UTP20: variants seen among roughly 807,000 people sequenced by gnomAD.
UTP20 encodes small subunit processome component 20 homolog.
A neutral mutation model predicts 329.5 loss-of-function variants in UTP20; 164 were observed. The ratio of observed to expected loss-of-function variants is 0.50; its 90% CI spans 0.44 to 0.57. The LOEUF is 0.57. UTP20 is among the 20% of genes least tolerant of loss of function. The probability of loss-of-function intolerance (pLI) is 0.00; values close to 1 mark genes in which losing one functional copy is unlikely to be tolerated. For synonymous variants in UTP20, 1,151 were observed against 1,159.3 expected, an observed-to-expected ratio of 0.99 and a Z score of 0.14; for missense variants, 3,055 against 3,284.2, an observed-to-expected ratio of 0.93 and a Z score of 1.71.
In UTP20 at chr12:101,386,098, T is replaced by G. The variant is rs1302944672; in HGVS notation, c.8333T>G (p.Leu2778Arg). 6.2e-7 allele frequency: 1 copy of G among 1,606,646 alleles called. No homozygotes were observed. Among genetic ancestry groups the G allele is most frequent in the Admixed American group, 1.7e-5 (1 of 57,284 alleles). The change falls in exon 62 of 62, where the codon CTG (leucine) becomes CGG (arginine). Residue 2778 changes from leucine (L) to arginine (R), a missense_variant. This residue lies in a region of UTP20 where 337 missense variants were observed against 345.5 expected (regional missense o/e 0.98). Coordinates refer to ENST00000261637, the MANE Select transcript of UTP20 (RefSeq NM_014503.3). ...GCCAAGAGACAAAAAAGCCATAGCC[T>G]GAAAGATTTAGCAATGGTGGAGTAA... ...YKAKRQKSHS[L>R]KDLAMVE
chr12:101,317,059 A>G (rs1872993607), intron 21 of UTP20, among the ~76,000 whole-genome samples: 1 of 152,188 alleles, frequency 6.6e-6, no homozygotes, highest in South Asian at 2.1e-4. Flanking sequence ...TGGTGGTACT[A>G]TATTTTCAAG....
intron 15 of UTP20, 81 bp from the exon 16 acceptor site, chr12:101,305,834 T>A (rs1872630572): frequency 7.4e-7 from 1 of 1,350,706 alleles, no homozygotes; most frequent in African/African-American, 1.5e-5. Flanking sequence ...TCATCAGTGA[T>A]CATTTTCTGT....
At chr12:101,366,092 C>T in intron 46 of UTP20, among the ~76,000 whole-genome samples, 1 of 152,096 alleles carries the variant, frequency 6.6e-6, no homozygotes. Flanking sequence ...ATTAGCCAGG[C>T]ATGGTGCTGG....
chr12:101,310,080 AAGG>A (rs1327302103), intron 19 of UTP20, among the ~76,000 whole-genome samples: 1 of 152,182 alleles, frequency 6.6e-6, no homozygotes, highest in Non-Finnish European at 1.5e-5. Context: ...AATAACTTTG[AAGG>A]AGTTTCTCTT....
intron 11 of UTP20, among the ~76,000 whole-genome samples, chr12:101,293,895 T>A (rs1052357778): frequency 1.4e-4 from 22 of 152,194 alleles, no homozygotes; most frequent in African/African-American, 4.1e-4. Context: ...TATTTTTTTT[T>A]AATCTTATTT....
At chr12:101,381,655 T>C (rs1468537306) in intron 58 of UTP20, among the ~76,000 whole-genome samples, 2 of 152,188 alleles carry the variant, frequency 1.3e-5, no homozygotes, top group Non-Finnish European at 2.9e-5. Context: ...CACTCAAATA[T>C]ATGTTCAAAT....
At chr12:101,286,609 G>T in intron 5 of UTP20, 100 bp downstream of exon 5, 1 of 979,364 alleles carries the variant, frequency 1.0e-6, no homozygotes, top group Non-Finnish European at 1.4e-6. Flanking sequence ...GTGCCTAATT[G>T]TTTCCATGTA....
At chr12:101,369,386 G>GT (rs1449581539) in intron 48 of UTP20, among the ~76,000 whole-genome samples, 217 of 152,308 alleles carry the variant, frequency 1.4e-3, no homozygotes, top group Middle Eastern at 3.4e-3. Context: ...GGAGGCTGAG[G>GT]CAGGAGGATT....
chr12:101,295,445 G>A (rs1320538539), intron 11 of UTP20, 35 bp from the exon 12 acceptor site: 8 of 1,517,032 alleles, frequency 5.3e-6, no homozygotes, highest in Non-Finnish European at 6.2e-6. Flanking sequence ...TATTATATCT[G>A]TTAATAAGTG....
chr12:101,379,652 C>T, intron 57 of UTP20, 94 bp downstream of exon 57: 1 of 1,326,270 alleles, frequency 7.5e-7, no homozygotes. Flanking sequence ...TTGGGAGAAA[C>T]TCTTCCAACC....
intron 52 of UTP20, among the ~76,000 whole-genome samples, 186 bp from the exon 53 acceptor site, chr12:101,373,215 C>T (rs1870349350): frequency 6.6e-6 from 1 of 152,162 alleles, no homozygotes. Flanking sequence ...AAATCTGACA[C>T]ACTTACATTT....
At chr12:101,286,133 A>C (rs1353028658) in intron 4 of UTP20, among the ~76,000 whole-genome samples, 188 bp from the exon 5 acceptor site, 1 of 152,176 alleles carries the variant, frequency 6.6e-6, no homozygotes, top group African/African-American at 2.4e-5. Flanking sequence ...CTTATGATGG[A>C]ATGTAACTTC....
chr12:101,291,050 C>A, intron 8 of UTP20, 162 bp downstream of exon 8: 1 of 645,032 alleles, frequency 1.6e-6, no homozygotes, highest in Non-Finnish European at 2.3e-6. Flanking sequence ...CCCCCCTGTG[C>A]TATTTTTTAT....
chr12:101,356,482 A>G (rs775453354), intron 41 of UTP20, 72 bp from the exon 42 acceptor site: 1 of 1,308,748 alleles, frequency 7.6e-7, no homozygotes, highest in Non-Finnish European at 1.0e-6. Context: ...TCTTTCAAAT[A>G]CAAAGTTGCA....
intron 5 of UTP20, among the ~76,000 whole-genome samples, chr12:101,288,506 C>T (rs771480680): frequency 1.3e-5 from 2 of 152,200 alleles, no homozygotes; most frequent in Non-Finnish European, 2.9e-5. Context: ...AGTGCTTATA[C>T]AGATGTAAGC....
At chr12:101,343,152 C>T in intron 35 of UTP20, 59 bp downstream of exon 35, 2 of 1,254,858 alleles carry the variant, frequency 1.6e-6, no homozygotes, top group Non-Finnish European at 2.2e-6. Flanking sequence ...ATACGGCTGC[C>T]TAATACAGTG....
chr12:101,309,011 G>A (rs1039247134), intron 18 of UTP20, among the ~76,000 whole-genome samples: 1 of 152,008 alleles, frequency 6.6e-6, no homozygotes, highest in Non-Finnish European at 1.5e-5. Flanking sequence ...GGGATTACAG[G>A]CGTGAGCCAC....
At chr12:101,360,560 C>A (rs1869878419) in intron 43 of UTP20, among the ~76,000 whole-genome samples, 1 of 152,180 alleles carries the variant, frequency 6.6e-6, no homozygotes. Context: ...TGCTGTGGCT[C>A]ACACCTGTAA....
chr12:101,307,438 G>A lies in UTP20; in HGVS notation c.1995+677G>A, dbSNP rs181674721. ...GTCACCTAGACTGGAATGCAGTGGC[G>A]TGATTTCGGCTCACTGCAGTCTCCA... On this transcript the variant is annotated intron_variant, in intron 17 of 61. Transcript: ENST00000261637. Among the ~76,000 whole-genome samples, 5 of 152,038 alleles carry A rather than the reference G, an allele frequency of 3.3e-5. No individual in the cohort carries two copies. The East Asian group carries it at 5.8e-4, about 18-fold the overall frequency.
Sources: gnomAD v4.1 joint callset for allele counts (sites outside exome capture counted in the v4.1 genomes callset) on GRCh38, gnomAD v4.1.1 for gene constraint, gnomAD v4.1.1 regional missense constraint, MANE v1.5 for transcripts, NCBI Gene and HGNC (gene_info 2026-07-23, HGNC 2026-07-21) for gene names.